CAPN14: variants seen among roughly 807,000 people sequenced by gnomAD.
CAPN14 encodes calpain-14.
In CAPN14, 94 loss-of-function variants were observed where a neutral mutation model predicts 101.3. The ratio of observed to expected loss-of-function variants is 0.93; its 90% CI spans 0.79 to 1.10. The LOEUF (loss-of-function observed/expected upper bound fraction) is 1.10, where lower values mean the gene tolerates loss of function less well. CAPN14 is among the 50% of genes least tolerant of loss of function. The probability of loss-of-function intolerance (pLI) is 0.00; values close to 1 mark genes in which losing one functional copy is unlikely to be tolerated. For missense variants in CAPN14, 837 were observed against 828.4 expected, an observed-to-expected ratio of 1.01 and a Z score of -0.13; for synonymous variants, 338 against 317.9, an observed-to-expected ratio of 1.06 and a Z score of -0.67.
chr2:31,175,477 C>A (rs907659436), intron 21 of CAPN14, among the ~76,000 whole-genome samples: 20 of 152,230 alleles, frequency 1.3e-4, no homozygotes, highest in Non-Finnish European at 4.4e-5. Context: ...CCACTGGACC[C>A]TGCTCAGTTT....
At chr2:31,227,460 ATTTTTATTCTAGACTTC>A (rs1443678292) in intron 1 of CAPN14, among the ~76,000 whole-genome samples, 7 of 152,082 alleles carry the variant, frequency 4.6e-5, no homozygotes, top group Non-Finnish European at 7.4e-5. Flanking sequence ...TCACCTGTGT[ATTTTTATTCTAGACTTC>A]CCTTTCCTTG....
At chr2:31,200,038 T>C (rs749822560) in intron 6 of CAPN14, among the ~76,000 whole-genome samples, 25 of 152,208 alleles carry the variant, frequency 1.6e-4, no homozygotes, top group Non-Finnish European at 2.9e-4. Flanking sequence ...AATCTCTCTC[T>C]TGTTGCCCAG....
At chr2:31,186,841 C>T (rs762563911) in intron 15 of CAPN14, among the ~76,000 whole-genome samples, 7 of 152,144 alleles carry the variant, frequency 4.6e-5, no homozygotes, top group Admixed American at 3.9e-4. Context: ...AAGTATCAAA[C>T]ATCTGAATTT....
chr2:31,176,973 G>T, intron 20 of CAPN14, 53 bp downstream of exon 20: 1 of 1,294,226 alleles, frequency 7.7e-7, no homozygotes, highest in East Asian at 2.5e-5. Flanking sequence ...CAGGTGGGAA[G>T]TCATGGGGCA....
intron 16 of CAPN14, among the ~76,000 whole-genome samples, chr2:31,183,078 A>G (rs1287928814): frequency 1.3e-5 from 2 of 152,216 alleles, no homozygotes; most frequent in Non-Finnish European, 2.9e-5. Flanking sequence ...AAAAACAAAC[A>G]ATGGGGAAAG....
intron 8 of CAPN14, among the ~76,000 whole-genome samples, chr2:31,195,917 G>A (rs1416170530): frequency 6.6e-6 from 1 of 152,118 alleles, no homozygotes; most frequent in Non-Finnish European, 1.5e-5. Context: ...GAAGAAGCAG[G>A]AAATATGATC....
chr2:31,203,786 C>T (rs969403939), intron 2 of CAPN14, among the ~76,000 whole-genome samples: 14 of 151,964 alleles, frequency 9.2e-5, no homozygotes, highest in Non-Finnish European at 1.8e-4. Context: ...CTGCAGGTAT[C>T]GATGGTGATG....
rs1245974373 is a variant in CAPN14, at chr2:31,193,133, T to C, written c.1112A>G (p.Gln371Arg). The change falls in exon 10 of 22, where the codon CAG (glutamine) becomes CGG (arginine). Residue 371 changes from glutamine to arginine, a missense_variant and splice_region_variant. By Grantham distance (43) the Gln-to-Arg change is conservative. Coordinates refer to ENST00000403897, the MANE Select transcript of CAPN14 (RefSeq NM_001145122.2). Reference sequence around the variant, plus strand: ...CCTGCTCCTGTGCACATGCTCACCCTGCAGCAACTGCCTCTGGCCACCAGC... The same window carrying C: ...CCTGCTCCTGTGCACATGCTCACCCCGCAGCAACTGCCTCTGGCCACCAGC... ...STAGGQRQLL[Q>R]DTFWKNPQFL... 1 of 1,549,492 alleles carries C rather than the reference T, an allele frequency of 6.5e-7. No individual in the cohort carries two copies. The highest frequency in any genetic ancestry group is 1.2e-5 in the South Asian group (1 of 84,024).
rs774118260 is a variant in CAPN14 at position 31,203,052 on chromosome 2, G to A, written c.295+18C>T. On this transcript the variant is annotated intron_variant, in intron 3 of 21. Transcript: ENST00000403897. ...GCAGGCAGCCTAGTGTCTGTCTCTCGGGGCTGTGCAAACTTACCTACTATC... is the reference window on the plus strand; with the variant it reads ...GCAGGCAGCCTAGTGTCTGTCTCTCAGGGCTGTGCAAACTTACCTACTATC... The A allele has an allele frequency of 1.0e-5, 16 of 1,549,546 alleles. No homozygotes were observed. The highest frequency in any genetic ancestry group is 1.7e-4 in the Middle Eastern group (1 of 5,896).
chr2:31,187,115 T>C (rs1181813609), intron 15 of CAPN14, among the ~76,000 whole-genome samples: 2 of 152,194 alleles, frequency 1.3e-5, no homozygotes, highest in South Asian at 4.1e-4. Context: ...ATATTCTCTG[T>C]TTTAGTGACA....
intron 1 of CAPN14, among the ~76,000 whole-genome samples, chr2:31,213,776 T>C (rs1050214717): frequency 1.3e-5 from 2 of 152,218 alleles, no homozygotes; most frequent in African/African-American, 2.4e-5. Flanking sequence ...ATCCCTTATT[T>C]AGATGTGATA....
chr2:31,210,022 C>T (rs1306041791), intron 1 of CAPN14, among the ~76,000 whole-genome samples: 1 of 152,236 alleles, frequency 6.6e-6, no homozygotes, highest in East Asian at 1.9e-4. Flanking sequence ...TCCATAGCCA[C>T]AGGTGAGAAT....
chr2:31,202,559 C>T (rs1681849323), intron 3 of CAPN14, among the ~76,000 whole-genome samples: 1 of 152,168 alleles, frequency 6.6e-6, no homozygotes, highest in Admixed American at 6.5e-5. Flanking sequence ...TTTTCCAAAT[C>T]TTGCCTCTGA....
At chr2:31,222,022 G>A (rs1324762007), upstream of CAPN14, among the ~76,000 whole-genome samples, 1 of 152,166 alleles carries the variant, frequency 6.6e-6, no homozygotes, top group African/African-American at 2.4e-5. Flanking sequence ...TAACAACTAT[G>A]TCAAATAGCC....
At chr2:31,224,697 T>C (rs142736861) in intron 2 of CAPN14, among the ~76,000 whole-genome samples, 1 of 152,066 alleles carries the variant, frequency 6.6e-6, no homozygotes, top group East Asian at 1.9e-4. Flanking sequence ...AATAACTATA[T>C]ATATTGTTTA....
upstream of CAPN14, among the ~76,000 whole-genome samples, chr2:31,219,911 T>G (rs1194849146): frequency 6.6e-6 from 1 of 152,208 alleles, no homozygotes; most frequent in Non-Finnish European, 1.5e-5. Flanking sequence ...CACCTTCTAA[T>G]GTCCTACTTC....
In CAPN14 at chr2:31,201,221, C is replaced by G. The variant is rs73921586; in HGVS notation, c.552-596G>C. Among the ~76,000 whole-genome samples, 538 of 148,682 alleles carry G rather than the reference C, an allele frequency of 3.6e-3. 2 individuals are homozygous for G. The highest frequency in any genetic ancestry group is 0.013 in the African/African-American group (507 of 40,400). Reference sequence around the variant, plus strand: ...CATGTGTGTGTGTGCATGTGTGTGTCTGTGTTTGCGTGTGTGTGTGCATGT... The same window carrying G: ...CATGTGTGTGTGTGCATGTGTGTGTGTGTGTTTGCGTGTGTGTGTGCATGT... On this transcript the variant is annotated intron_variant, in intron 5 of 21. Coordinates refer to ENST00000403897, the MANE Select transcript of CAPN14 (RefSeq NM_001145122.2).
Position 31,198,676 on chromosome 2 carries a change from A to G in CAPN14, c.789+794T>C, listed in dbSNP as rs565177898. On this transcript the variant is annotated intron_variant, in intron 7 of 21. Transcript: ENST00000403897. ...AAGTTAAGTGTGAATTGAGTCCAAG[A>G]AATTTGAAACAGAGTTAAAGGAAAC... 2.2e-4 allele frequency among the ~76,000 whole-genome samples: 33 copies of G among 152,362 alleles called. 1 individual carries two copies. In the South Asian group the frequency reaches 6.4e-3, roughly 30 times the overall value.
chr2:31,190,841 C>T (rs780714807), intron 12 of CAPN14, among the ~76,000 whole-genome samples: 2 of 152,134 alleles, frequency 1.3e-5, no homozygotes, highest in Non-Finnish European at 2.9e-5. Context: ...TAATAGCTGC[C>T]TCCCTCAGAA....
Sources: gnomAD v4.1 joint callset for allele counts (sites outside exome capture counted in the v4.1 genomes callset) on GRCh38, gnomAD v4.1.1 for gene constraint, MANE v1.5 for transcripts, NCBI Gene and HGNC (gene_info 2026-07-23, HGNC 2026-07-21) for gene names.